The following ADAMTS12 variants were observed in gnomAD, a reference collection of about 807,000 sequenced individuals.
ADAMTS12 encodes ADAM metallopeptidase with thrombospondin type 1 motif 12.
ADAMTS12 carries 118 observed loss-of-function variants against 167.8 expected under a neutral mutation model. The ratio of observed to expected loss-of-function variants is 0.70; its 90% confidence interval spans 0.61 to 0.82. The LOEUF is 0.82. Among genes scored for constraint, ADAMTS12 ranks in the 40% least tolerant of loss-of-function variants. The pLI is 0.00. For missense variants in ADAMTS12, 1,916 were observed against 1,998.8 expected, an observed-to-expected ratio of 0.96 and a Z score of 0.79; for synonymous variants, 704 against 716.9, an observed-to-expected ratio of 0.98 and a Z score of 0.29.
chr5:33,756,951 A>C (rs1745192222), intron 2 of ADAMTS12, among the ~76,000 whole-genome samples: 1 of 152,258 alleles, frequency 6.6e-6, no homozygotes, highest in South Asian at 2.1e-4. Flanking sequence ...CACTTGAGAT[A>C]TAGCCAATGC....
chr5:33,815,865 C>T (rs1198532324), intron 2 of ADAMTS12, among the ~76,000 whole-genome samples: 1 of 152,172 alleles, frequency 6.6e-6, no homozygotes, highest in Non-Finnish European at 1.5e-5. Context: ...CTTCTCTTTC[C>T]TTTCACAGCT....
At chr5:33,765,139 C>T (rs1745486639) in intron 2 of ADAMTS12, among the ~76,000 whole-genome samples, 1 of 152,138 alleles carries the variant, frequency 6.6e-6, no homozygotes, top group African/African-American at 2.4e-5. Context: ...AAAATAGACA[C>T]ACATATGCCC....
chr5:33,689,942 A>G (rs1742492040), intron 3 of ADAMTS12, among the ~76,000 whole-genome samples: 1 of 152,268 alleles, frequency 6.6e-6, no homozygotes, highest in South Asian at 2.1e-4. Flanking sequence ...GGGATTCCAC[A>G]TGGTGCATCT....
intron 2 of ADAMTS12, among the ~76,000 whole-genome samples, chr5:33,767,548 C>T (rs979123421): frequency 6.6e-6 from 1 of 152,010 alleles, no homozygotes; most frequent in Non-Finnish European, 1.5e-5. Flanking sequence ...TCATTGGTAA[C>T]ATGTTTTAAC....
intron 2 of ADAMTS12, among the ~76,000 whole-genome samples, chr5:33,786,482 T>C (rs1198964451): frequency 2.6e-5 from 4 of 151,116 alleles, no homozygotes; most frequent in Admixed American, 2.0e-4. Flanking sequence ...TTAACACACA[T>C]AGACTTCCTC....
chr5:33,549,309 C>G lies in ADAMTS12; in HGVS notation c.4200G>C (p.Leu1400=), dbSNP rs1745138523. ...QCVDSRDHRN[L]RPFHCQFLAG... ...CCAGGAACTGGCAGTGAAATGGCCTCAGGTTCCGGTGGTCCCGGCTGTCCA... is the reference window on the plus strand; with the variant it reads ...CCAGGAACTGGCAGTGAAATGGCCTGAGGTTCCGGTGGTCCCGGCTGTCCA... Residue 1400 remains leucine, a synonymous_variant, in exon 21 of 24, where the codon CTG becomes CTC. Transcript: ENST00000504830. 1.9e-6 allele frequency: 3 copies of G among 1,614,224 alleles called. No homozygotes were observed. Among genetic ancestry groups the G allele is most frequent in the Non-Finnish European group, 2.5e-6 (3 of 1,180,036 alleles).
intron 3 of ADAMTS12, among the ~76,000 whole-genome samples, chr5:33,749,475 A>G (rs16891649): frequency 0.018 from 2,781 of 152,154 alleles, 97 homozygotes; most frequent in African/African-American, 0.064. Context: ...GAGCTGTTCA[A>G]TTCTGACACT....
At chr5:33,790,485 G>A (rs1433717350) in intron 2 of ADAMTS12, among the ~76,000 whole-genome samples, 9 of 151,376 alleles carry the variant, frequency 5.9e-5, no homozygotes, top group East Asian at 1.9e-4. Flanking sequence ...CCCAGGAGGC[G>A]GAGGTTGCAG....
chr5:33,761,547 A>G (rs555551637), intron 2 of ADAMTS12, among the ~76,000 whole-genome samples: 1 of 152,348 alleles, frequency 6.6e-6, no homozygotes, highest in Admixed American at 6.5e-5. Flanking sequence ...GTGAGATGTT[A>G]GAGACATAAA....
intron 13 of ADAMTS12, among the ~76,000 whole-genome samples, chr5:33,625,969 A>G (rs1739568747): frequency 6.6e-6 from 1 of 152,244 alleles, no homozygotes; most frequent in Non-Finnish European, 1.5e-5. Context: ...AGCCCACAAC[A>G]GTATGCTCTT....
chr5:33,831,385 T>A (rs376020012), intron 2 of ADAMTS12, among the ~76,000 whole-genome samples: 1 of 152,230 alleles, frequency 6.6e-6, no homozygotes, highest in Non-Finnish European at 1.5e-5. Flanking sequence ...CACTCTACTA[T>A]ACTGTCTCTT....
intron 3 of ADAMTS12, among the ~76,000 whole-genome samples, chr5:33,694,518 C>T (rs1323162374): frequency 1.3e-5 from 2 of 152,124 alleles, no homozygotes; most frequent in Non-Finnish European, 2.9e-5. Flanking sequence ...TATGAAGGTA[C>T]CTGACTGGTA....
At chr5:33,540,030 G>C (rs2111779730) in intron 22 of ADAMTS12, among the ~76,000 whole-genome samples, 1 of 152,372 alleles carries the variant, frequency 6.6e-6, no homozygotes, top group African/African-American at 2.4e-5. Context: ...AGTGCAAGGG[G>C]TTGGGGGATT....
In ADAMTS12 at chr5:33,561,134, A is replaced by G; in HGVS notation, c.4018T>C (p.Cys1340Arg). ...CAGTCAGAATCCATCTGGGTGCTGC[A>G]CTCCACCCTTCTCCAGTAGGCCCCC... Reference protein sequence around the residue: ...GLGAYWRRVECSTQMDSDCAA... With the variant: ...GLGAYWRRVERSTQMDSDCAA... Residue 1340 changes from cysteine to arginine, a missense_variant, in exon 20 of 24, where the codon TGC becomes CGC. Transcript: ENST00000504830. The G allele has an allele frequency of 6.2e-7, 1 of 1,614,096 alleles. No homozygotes were observed. Among genetic ancestry groups the G allele is most frequent in the Non-Finnish European group, 8.5e-7 (1 of 1,180,006 alleles).
chr5:33,746,762 T>C (rs1744804404), intron 3 of ADAMTS12, among the ~76,000 whole-genome samples: 1 of 152,232 alleles, frequency 6.6e-6, no homozygotes, highest in Admixed American at 6.5e-5. Flanking sequence ...TTAAAGCCTA[T>C]AATCAGTTGG....
At chr5:33,603,024 G>T (rs10472226) in intron 16 of ADAMTS12, among the ~76,000 whole-genome samples, 84,456 of 151,928 alleles carry the variant, frequency 0.56, 23,569 homozygotes, top group Middle Eastern at 0.63. Flanking sequence ...AGAAGCCCAG[G>T]GTAGGGCAGA....
chr5:33,658,883 T>C (rs1261619429), intron 6 of ADAMTS12, among the ~76,000 whole-genome samples: 1 of 152,222 alleles, frequency 6.6e-6, no homozygotes, highest in African/African-American at 2.4e-5. Context: ...TGCATGCCTG[T>C]GTGTGCATGT....
chr5:33,864,984 A>C (rs1749762057), intron 2 of ADAMTS12, among the ~76,000 whole-genome samples: 1 of 152,078 alleles, frequency 6.6e-6, no homozygotes, highest in Non-Finnish European at 1.5e-5. Context: ...AACTTAAAGT[A>C]TTAAATAAAA....
rs745504268 is a variant in ADAMTS12, at chr5:33,615,930, G to A, written c.2286C>T (p.Asn762=). The change falls in exon 15 of 24, where the codon AAC becomes AAT. Residue 762 remains asparagine, a synonymous_variant. Transcript: ENST00000504830. ...CAGTCCCTGCCAGCTTATAGTTCCC[G>A]TTCCACTGGATAATAAACCCTCCAT... ...YLNGGFIIQW[N]GNYKLAGTVF... 49 of 1,613,874 alleles carry A rather than the reference G, an allele frequency of 3.0e-5. No individual in the cohort carries two copies. The highest frequency in any genetic ancestry group is 1.1e-4 in the African/African-American group (8 of 74,856).
Sources: allele counts gnomAD v4.1 joint callset (sites outside exome capture counted in the v4.1 genomes callset), GRCh38; gene constraint gnomAD v4.1.1; transcripts MANE v1.5; gene names NCBI Gene and HGNC (gene_info 2026-07-23, HGNC 2026-07-21).